The following ZNF783 variants were observed in gnomAD, a reference collection of about 807,000 sequenced individuals.
The protein encoded by ZNF783 is zinc finger protein 783.
ZNF783 carries 25 observed loss-of-function variants against 31.3 expected under a neutral mutation model. The observed-to-expected ratio is 0.80, with a 90% CI of 0.58 to 1.11. ZNF783 has a LOEUF of 1.11. Among genes scored for constraint, ZNF783 ranks in the 50% most tolerant of loss-of-function variants. The pLI is 0.00. For synonymous variants in ZNF783, 369 were observed against 319.1 expected (o/e 1.16, Z -1.66); for missense variants, 797 against 760.0 (o/e 1.05, Z -0.57).
Position 149,269,493 on chromosome 7 carries a change from C to A in ZNF783, c.673+2271C>A, listed in dbSNP as rs7804779. Among the ~76,000 whole-genome samples, 1,221 of 152,258 alleles carry A rather than the reference C, an allele frequency of 8.0e-3. 13 individuals carry two copies. Among genetic ancestry groups the A allele is most frequent in the African/African-American group, 0.028 (1,158 of 41,548 alleles). ...GAGGACTTAGCCAAAAATTCTTTGC[C>A]AAGGGCAATATCGAGGAGGGTATTT... is the stretch of plus-strand genomic sequence containing the variant. On this transcript the variant is annotated intron_variant, in intron 4 of 5. Coordinates refer to ENST00000434415, the MANE Select transcript of ZNF783 (RefSeq NM_001195220.2).
At chr7:149,270,016 C>A (rs906131606) in intron 4 of ZNF783, among the ~76,000 whole-genome samples, 1 of 152,132 alleles carries the variant, frequency 6.6e-6, no homozygotes, top group South Asian at 2.1e-4. Flanking sequence ...TTTTTTATGG[C>A]TGCATAGTAT....
intron 4 of ZNF783, among the ~76,000 whole-genome samples, chr7:149,270,793 A>G (rs1046675750): frequency 2.6e-5 from 4 of 152,116 alleles, no homozygotes; most frequent in African/African-American, 2.4e-5. Flanking sequence ...TTTGATTTCT[A>G]TTGGTGAGGA....
chr7:149,262,348 G>A lies in ZNF783; in HGVS notation c.15G>A (p.Ala5=). 2.3e-6 allele frequency: 3 copies of A among 1,330,986 alleles called. No individual in the cohort carries two copies. The highest frequency in any genetic ancestry group is 1.8e-5 in the South Asian group (1 of 55,190). The allele number at this position is 1,330,986 out of a possible 1,614,324, so 82.4% of individuals were successfully genotyped here. MAEA[A]PARDPETDKH... ...CGCGGGCAGCCATGGCCGAAGCGGCGCCTGCCCGGGTAAGCGCCCTCGGCC... is the reference window on the plus strand; with the variant it reads ...CGCGGGCAGCCATGGCCGAAGCGGCACCTGCCCGGGTAAGCGCCCTCGGCC... Residue 5 remains alanine, a synonymous_variant, in exon 1 of 6, where the codon GCG becomes GCA. Transcript: ENST00000434415.
intron 4 of ZNF783, chr7:149,276,570 A>T: frequency 1.0e-6 from 1 of 985,438 alleles, no homozygotes; most frequent in African/African-American, 1.7e-5. Context: ...TTACCTTTTG[A>T]TAACCTTCTA....
chr7:149,278,796 G>A (rs1430139397), intron 5 of ZNF783, among the ~76,000 whole-genome samples: 1 of 152,082 alleles, frequency 6.6e-6, no homozygotes, highest in African/African-American at 2.4e-5. Flanking sequence ...ACATGGGTCC[G>A]GTGGAGTGAG....
At chr7:149,278,221 A>G in intron 4 of ZNF783, 178 bp from the exon 5 acceptor site, 1 of 1,405,786 alleles carries the variant, frequency 7.1e-7, no homozygotes, top group East Asian at 2.6e-5. Flanking sequence ...GTGGGACATG[A>G]GGCTTTAGAC....
intron 1 of ZNF783, 83 bp from the exon 2 acceptor site, chr7:149,266,252 G>A (rs1797061213): frequency 7.0e-7 from 1 of 1,426,098 alleles, no homozygotes; most frequent in Non-Finnish European, 9.2e-7. Flanking sequence ...CATGGCAGGT[G>A]TCATTTCCGA....
chr7:149,262,468 A>G (rs1029211799), intron 1 of ZNF783, 111 bp downstream of exon 1: 2 of 920,840 alleles, frequency 2.2e-6, no homozygotes, highest in Non-Finnish European at 2.8e-6. Flanking sequence ...CCTTGCGCGC[A>G]GCCTCCGCGC....
At chr7:149,269,905 G>T (rs1466720388) in intron 4 of ZNF783, among the ~76,000 whole-genome samples, 1 of 145,980 alleles carries the variant, frequency 6.9e-6, no homozygotes, top group Non-Finnish European at 1.5e-5. Flanking sequence ...CCACCTATGA[G>T]TGAGGGCATG....
rs541933988 is a variant in ZNF783 at position 149,266,977 on chromosome 7, G to C, written c.547+32G>C. On this transcript the variant is annotated intron_variant, in intron 3 of 5. Transcript: ENST00000434415. The stretch of plus-strand genomic sequence containing the variant: ...CCACGGAGGGAGGATCTGGGCCTCT[G>C]TCCACAGGTTGTCTGTGGACAGTCT... The C allele has an allele frequency of 5.0e-6, 8 of 1,613,968 alleles. No individual in the cohort carries two copies. The East Asian group carries it at 1.6e-4, about 31-fold the overall frequency.
In ZNF783 at chr7:149,281,561, C is replaced by T. The variant is rs774001157; in HGVS notation, c.859C>T (p.Arg287Trp). The change falls in exon 6 of 6, where the codon CGG becomes TGG. Residue 287 changes from arginine to tryptophan, a missense_variant. By Grantham distance (101) the Arg-to-Trp change is moderately radical. Coordinates refer to ENST00000434415, the MANE Select transcript of ZNF783 (RefSeq NM_001195220.2). The part of the protein sequence containing the change: ...AQSEDEMTPE[R>W]LFLGVSRGQT... ...GTCTGAAGACGAGATGACGCCTGAG[C>T]GGCTCTTTCTGGGGGTGTCCCGAGG... 6 of 1,493,666 alleles carry T rather than the reference C, an allele frequency of 4.0e-6. No individual in the cohort carries two copies. The highest frequency in any genetic ancestry group is 5.3e-6 in the Non-Finnish European group (6 of 1,135,640). 92.5% of individuals were successfully genotyped at this position (1,493,666 alleles called of 1,614,324 possible).
At chr7:149,267,714 G>A (rs113065124) in intron 4 of ZNF783, among the ~76,000 whole-genome samples, 3 of 152,056 alleles carry the variant, frequency 2.0e-5, no homozygotes, top group Admixed American at 6.6e-5. Flanking sequence ...GGAGAATGGC[G>A]TGAACCCGGG....
chr7:149,268,768 G>A (rs936175197), intron 4 of ZNF783, among the ~76,000 whole-genome samples: 12 of 152,174 alleles, frequency 7.9e-5, no homozygotes, highest in African/African-American at 2.9e-4. Context: ...TGCTGCACAG[G>A]ACATGATTTC....
intron 4 of ZNF783, among the ~76,000 whole-genome samples, chr7:149,276,843 G>A (rs886624532): frequency 6.6e-6 from 1 of 151,192 alleles, no homozygotes; most frequent in Non-Finnish European, 1.5e-5. Context: ...GGCGTTTGGT[G>A]GTTATTTATT....
At chr7:149,267,004 T>G in intron 3 of ZNF783, 59 bp downstream of exon 3, 2 of 1,613,390 alleles carry the variant, frequency 1.2e-6, no homozygotes, top group Non-Finnish European at 1.7e-6. Flanking sequence ...GGACAGTCTG[T>G]GTCTTTGCTT....
intron 4 of ZNF783, among the ~76,000 whole-genome samples, chr7:149,275,461 C>T (rs1249742089): frequency 8.6e-5 from 13 of 151,502 alleles, no homozygotes; most frequent in African/African-American, 3.2e-4. Flanking sequence ...TACAGGCACC[C>T]ATGACCACGC....
Position 149,281,651 on chromosome 7 carries a change from G to C in ZNF783, c.949G>C (p.Ala317Pro). The change falls in exon 6 of 6, where the codon GCC becomes CCC. Residue 317 changes from alanine (A) to proline (P), a missense_variant. Ala to Pro is a conservative substitution (Grantham distance 27). Coordinates refer to ENST00000434415, the MANE Select transcript of ZNF783 (RefSeq NM_001195220.2). ...GCCTGGGGGCCCCAGCCGTCATCAGGCCCAGGGCATGCCCAGGGTGCGGGC... is the reference window on the plus strand; with the variant it reads ...GCCTGGGGGCCCCAGCCGTCATCAGCCCCAGGGCATGCCCAGGGTGCGGGC... The part of the protein sequence containing the change: ...NRPGGPSRHQ[A>P]QGMPRVRAGE... 1 of 1,534,412 alleles carries C rather than the reference G, an allele frequency of 6.5e-7. No individual in the cohort carries two copies. The highest frequency in any genetic ancestry group is 2.3e-5 in the East Asian group (1 of 42,572).
At chr7:149,262,395 A>G in intron 1 of ZNF783, 38 bp downstream of exon 1, 1 of 1,220,124 alleles carries the variant, frequency 8.2e-7, no homozygotes, top group South Asian at 3.4e-5. Context: ...CGGAAGGCCC[A>G]GGCCGCCGCC....
intron 4 of ZNF783, among the ~76,000 whole-genome samples, chr7:149,267,514 C>G (rs1797107677): frequency 6.6e-6 from 1 of 152,186 alleles, no homozygotes; most frequent in Admixed American, 6.5e-5. Context: ...ATAGTGGAGA[C>G]TGGCCTGGCG....
Sources: gnomAD v4.1 joint callset for allele counts (sites outside exome capture counted in the v4.1 genomes callset) on GRCh38, gnomAD v4.1.1 for gene constraint, MANE v1.5 for transcripts, NCBI Gene and HGNC (gene_info 2026-07-23, HGNC 2026-07-21) for gene names.